The following DMD variants were observed in gnomAD, a reference collection of about 807,000 sequenced individuals.
The protein encoded by DMD is mutant dystrophin.
In DMD, 63 loss-of-function variants were observed where a neutral mutation model predicts 330.1. That is an observed-to-expected ratio of 0.19 (90% CI 0.16 to 0.24). The LOEUF (loss-of-function observed/expected upper bound fraction) is 0.24, where lower values mean the gene tolerates loss of function less well. DMD is among the 10% of genes least tolerant of loss of function. The pLI is 1.00. For missense variants in DMD, 3,344 were observed against 2,684.1 expected (o/e 1.25, Z -5.43); for synonymous variants, 1,223 against 959.8 (o/e 1.27, Z -5.07).
chrX:31,986,677 T>C (rs1316105115), intron 44 of DMD, among the ~76,000 whole-genome samples: 1 of 112,320 alleles, frequency 8.9e-6, no homozygotes, highest in Non-Finnish European at 1.9e-5. Flanking sequence ...CCCGAAGTGC[T>C]GGGATTACAG....
chrX:31,447,245 C>T (rs925095488), intron 59 of DMD, among the ~76,000 whole-genome samples: 5 of 100,830 alleles, frequency 5.0e-5, no homozygotes, highest in African/African-American at 1.8e-4. Flanking sequence ...TTAAACTTTA[C>T]CATAAGATCT....
intron 51 of DMD, among the ~76,000 whole-genome samples, chrX:31,749,709 G>A (rs1176486631): frequency 2.8e-5 from 3 of 106,104 alleles, no homozygotes; most frequent in Non-Finnish European, 5.8e-5. Flanking sequence ...GATCCCTGAG[G>A]AATCGCCACA....
chrX:32,924,186 T>C (rs2088740646), intron 2 of DMD, among the ~76,000 whole-genome samples: 1 of 111,262 alleles, frequency 9.0e-6, no homozygotes, highest in African/African-American at 3.3e-5. Context: ...TTTCCATAAG[T>C]CTATGGATGC....
chrX:32,164,204 T>C (rs1227924598), intron 44 of DMD, among the ~76,000 whole-genome samples: 3 of 111,674 alleles, frequency 2.7e-5, no homozygotes, highest in Non-Finnish European at 5.6e-5. Flanking sequence ...GGTACTGCTA[T>C]AAAGATACTT....
intron 62 of DMD, among the ~76,000 whole-genome samples, chrX:31,315,713 C>T (rs1241856424): frequency 3.0e-4 from 34 of 112,170 alleles, no homozygotes; most frequent in East Asian, 2.8e-4. Flanking sequence ...TTAGCTGCCA[C>T]ATGTATAGGT....
chrX:31,182,467 C>T lies in DMD; in HGVS notation c.9974+271G>A, dbSNP rs754819003. 1.3e-3 allele frequency among the ~76,000 whole-genome samples: 141 copies of T among 111,783 alleles called. 1 individual carries two copies. The highest frequency in any genetic ancestry group is 3.7e-3 in the African/African-American group (113 of 30,760). ...CATCTGTAATACCTCCGTGAAGACA[C>T]GCACTTTGGCCTGCTCAACCAAAAA... On this transcript the variant is annotated intron_variant, in intron 68 of 78. Coordinates refer to ENST00000357033, the MANE Select transcript of DMD (RefSeq NM_004006.3).
intron 52 of DMD, among the ~76,000 whole-genome samples, chrX:31,696,321 T>A (rs2083448913): frequency 8.9e-6 from 1 of 111,850 alleles, no homozygotes; most frequent in African/African-American, 3.2e-5. Context: ...AATCCACAAC[T>A]ACATACAATA....
Position 32,125,377 on chromosome X carries a change from T to C in DMD, c.6438+91539A>G, listed in dbSNP as rs188088016. ...AAAAAAATCCAGACTTTTGGCTTGCTTAACTGGATAGTGTCATTCACTGGG... is the reference window on the plus strand; with the variant it reads ...AAAAAAATCCAGACTTTTGGCTTGCCTAACTGGATAGTGTCATTCACTGGG... On this transcript the variant is annotated intron_variant, in intron 44 of 78. Transcript: ENST00000357033. Among the ~76,000 whole-genome samples, 72 of 111,845 alleles carry C rather than the reference T, an allele frequency of 6.4e-4. 1 individual carries two copies. In the Middle Eastern group the frequency reaches 0.023, roughly 36 times the overall value.
At chrX:31,405,124 T>C (rs1206831379) in intron 60 of DMD, among the ~76,000 whole-genome samples, 1 of 111,844 alleles carries the variant, frequency 8.9e-6, no homozygotes. Context: ...ACAAGACTTA[T>C]TGATTTAAAT....
chrX:32,958,042 A>T, intron 2 of DMD, among the ~76,000 whole-genome samples: 1 of 112,033 alleles, frequency 8.9e-6, no homozygotes, highest in Non-Finnish European at 1.9e-5. Context: ...TTTTGGAACC[A>T]TTATATGTAT....
intron 47 of DMD, among the ~76,000 whole-genome samples, chrX:31,899,972 A>G (rs1300019158): frequency 1.8e-5 from 2 of 111,499 alleles, no homozygotes; most frequent in Non-Finnish European, 3.8e-5. Context: ...CTCATTCTCA[A>G]TCTGCATTTA....
chrX:31,451,101 T>A (rs67909755), intron 59 of DMD, among the ~76,000 whole-genome samples: 21,575 of 105,888 alleles, frequency 0.2, 2,574 homozygotes, highest in African/African-American at 0.42. Context: ...ATATTTTGTT[T>A]TTTTTTTTTT....
Position 31,895,829 on chromosome X carries a change from G to C in DMD, c.6913-20456C>G, listed in dbSNP as rs930426922. Among the ~76,000 whole-genome samples the C allele has an allele frequency of 3.6e-5, 4 of 111,755 alleles. No homozygotes were observed. In the Admixed American group the frequency reaches 3.8e-4, roughly 11 times the overall value. On this transcript the variant is annotated intron_variant, in intron 47 of 78. Transcript: ENST00000357033. ...CACATTGCCAATATCTCTGTGCTTA[G>C]GAGATTCTCTAAAGCGCGGCATAAT... is the stretch of plus-strand genomic sequence containing the variant.
At position 31,725,591 on chromosome X, in the gene DMD, C is replaced by G. The variant is rs1002107115; in HGVS notation, c.7660+4040G>C. Among the ~76,000 whole-genome samples, 9 of 111,951 alleles carry G rather than the reference C, an allele frequency of 8.0e-5. No individual in the cohort carries two copies. In the East Asian group the frequency reaches 2.0e-3, roughly 24 times the overall value. The stretch of plus-strand genomic sequence containing the variant: ...AACCCATGAGATAGTTATAAGTGAG[C>G]CTATTTTACAGAGAAGGAAACTAAG... On this transcript the variant is annotated intron_variant, in intron 52 of 78. Transcript: ENST00000357033.
chrX:32,021,039 C>T (rs1603620639), intron 44 of DMD, among the ~76,000 whole-genome samples: 1 of 112,196 alleles, frequency 8.9e-6, no homozygotes. Context: ...TGTGCATACC[C>T]TATGACCTGA....
Position 31,142,789 on chromosome X carries a change from TC to T in DMD, c.10921+3501del, listed in dbSNP as rs1204233909. Among the ~76,000 whole-genome samples, 6 of 112,312 alleles carry T rather than the reference TC, an allele frequency of 5.3e-5. No homozygotes were observed. The East Asian group carries it at 1.7e-3, about 31-fold the overall frequency. ...TAAACATTGTTAATTGCTATTTTGT[TC>T]TGTATTTGCTTCCTCCAATAGAATG... On this transcript the variant is annotated intron_variant, in intron 76 of 78. Transcript: ENST00000357033.
chrX:31,121,672 TAACAA>T lies in DMD; in HGVS notation c.*242_*246del, dbSNP rs750892344. 14 of 447,679 alleles carry T rather than the reference TAACAA, an allele frequency of 3.1e-5. No individual in the cohort carries two copies. Among genetic ancestry groups the T allele is most frequent in the African/African-American group, 9.8e-5 (4 of 40,759 alleles). 36.9% of individuals were successfully genotyped at this position (447,679 alleles called of 1,213,427 possible). A position where few individuals can be genotyped will look rare whatever the true frequency, so the allele number is the denominator to read the frequency against. ...ATAGACGTGTAAAACCTGCCATTGT[TAACAA>T]AACAATAACAGACTTAGAAACTACT... is the stretch of plus-strand genomic sequence containing the variant. On this transcript the variant is annotated 3_prime_UTR_variant, in exon 79 of 79. Transcript: ENST00000357033.
At chrX:32,982,470 T>C (rs2092731663) in intron 2 of DMD, among the ~76,000 whole-genome samples, 1 of 112,030 alleles carries the variant, frequency 8.9e-6, no homozygotes, top group Non-Finnish European at 1.9e-5. Context: ...TTTTTAAAAA[T>C]ATTCTTTCTC....
intron 60 of DMD, among the ~76,000 whole-genome samples, chrX:31,433,326 C>T (rs2064222113): frequency 8.9e-6 from 1 of 111,747 alleles, no homozygotes. Flanking sequence ...GACTTTATGT[C>T]TTTGCTATTG....
Sources: gnomAD v4.1 joint callset for allele counts (sites outside exome capture counted in the v4.1 genomes callset) on GRCh38, gnomAD v4.1.1 for gene constraint, MANE v1.5 for transcripts, NCBI Gene and HGNC (gene_info 2026-07-23, HGNC 2026-07-21) for gene names.